The following THSD4 variants were observed in gnomAD, a reference collection of about 807,000 sequenced individuals.
THSD4 encodes the protein thrombospondin type-1 domain-containing protein 4.
A neutral mutation model predicts 119.0 loss-of-function variants in THSD4; 69 were observed. The observed-to-expected ratio is 0.58, with a 90% CI of 0.48 to 0.71. The LOEUF (loss-of-function observed/expected upper bound fraction) is 0.71, where lower values mean the gene tolerates loss of function less well. THSD4 is among the 30% of genes least tolerant of loss of function. The pLI is 0.00. For missense variants in THSD4, 1,393 were observed against 1,391.1 expected, an observed-to-expected ratio of 1.00 and a Z score of -0.02; for synonymous variants, 524 against 540.4, an observed-to-expected ratio of 0.97 and a Z score of 0.42.
chr15:71,638,521 C>A (rs909717654), intron 7 of THSD4, among the ~76,000 whole-genome samples: 4 of 152,182 alleles, frequency 2.6e-5, no homozygotes, highest in African/African-American at 9.6e-5. Flanking sequence ...TGTCTATGAA[C>A]AGTATGTCTT....
chr15:71,547,262 G>A (rs369482328), intron 7 of THSD4: 24 of 1,442,102 alleles, frequency 1.7e-5, no homozygotes, highest in African/African-American at 7.2e-5. Flanking sequence ...TCGAAGCGCC[G>A]GGCAGTACAG....
intron 7 of THSD4, among the ~76,000 whole-genome samples, chr15:71,555,085 G>T (rs1232624933): frequency 2.6e-5 from 4 of 152,118 alleles, no homozygotes; most frequent in African/African-American, 9.7e-5. Context: ...TGTGTCTAAA[G>T]AATATGCTAT....
At chr15:71,264,630 C>G (rs564836281) in intron 6 of THSD4, among the ~76,000 whole-genome samples, 13 of 152,276 alleles carry the variant, frequency 8.5e-5, no homozygotes, top group Admixed American at 3.9e-4. Context: ...TTGCAGTCAT[C>G]AACCTTGGTG....
Position 71,777,621 on chromosome 15 carries a change from A to G in THSD4, c.*247A>G. The stretch of plus-strand genomic sequence containing the variant: ...TGATGATCCCCTCCTTGGACCTGGC[A>G]TCTGCTAATGGTGCCCTTTGAAAGT... On this transcript the variant is annotated 3_prime_UTR_variant, in exon 18 of 18. Coordinates refer to ENST00000261862, the MANE Select transcript of THSD4 (RefSeq NM_024817.3). 1 of 532,910 alleles carries G rather than the reference A, an allele frequency of 1.9e-6. No homozygotes were observed. Among genetic ancestry groups the G allele is most frequent in the Non-Finnish European group, 3.4e-6 (1 of 296,814 alleles). The allele number at this position is 532,910 out of a possible 1,614,324, so 33.0% of individuals were successfully genotyped here.
rs2045812407 is a variant in THSD4, at chr15:71,356,459, C to G, written c.1016-55228C>G. 2.0e-5 allele frequency among the ~76,000 whole-genome samples: 3 copies of G among 152,106 alleles called. No individual in the cohort carries two copies. In the South Asian group the frequency reaches 6.2e-4, roughly 32 times the overall value. ...AATGGAAGCTCTTTGAGGACTGGGA[C>G]CTACTGACTTCTTTCTCTGCTGTAT... On this transcript the variant is annotated intron_variant, in intron 6 of 17. Transcript: ENST00000261862.
chr15:71,390,656 T>TACC (rs1407107277), intron 6 of THSD4, among the ~76,000 whole-genome samples: 1 of 152,110 alleles, frequency 6.6e-6, no homozygotes, highest in Non-Finnish European at 1.5e-5. Context: ...AGGAGTAGTT[T>TACC]ACCATATTGA....
rs1297775988 is a variant in THSD4 at position 71,717,655 on chromosome 15, G to C, written c.1358-10894G>C. Among the ~76,000 whole-genome samples, 3 of 151,488 alleles carry C rather than the reference G, an allele frequency of 2.0e-5. No individual in the cohort carries two copies. In the South Asian group the frequency reaches 6.3e-4, roughly 32 times the overall value. ...ATTAAACATCAAAGAACAGGGCATA[G>C]ACACTAAGATTAGGGATGAGAGTTA... On this transcript the variant is annotated intron_variant, in intron 8 of 17. Transcript: ENST00000261862.
At chr15:71,433,740 C>T (rs563300543) in intron 7 of THSD4, among the ~76,000 whole-genome samples, 103 of 152,176 alleles carry the variant, frequency 6.8e-4, no homozygotes, top group Middle Eastern at 3.4e-3. Context: ...CCAACATGGC[C>T]AGGAGACAGA....
intron 8 of THSD4, among the ~76,000 whole-genome samples, chr15:71,664,312 T>G (rs1316688550): frequency 2.0e-5 from 3 of 152,172 alleles, no homozygotes; most frequent in Non-Finnish European, 4.4e-5. Context: ...AACTTTATTT[T>G]TTTTTAGTTT....
At chr15:71,618,079 T>C (rs2050351138) in intron 7 of THSD4, among the ~76,000 whole-genome samples, 1 of 152,198 alleles carries the variant, frequency 6.6e-6, no homozygotes, top group Admixed American at 6.5e-5. Flanking sequence ...CTTTCAGTCA[T>C]GGAAAGATCT....
intron 6 of THSD4, among the ~76,000 whole-genome samples, chr15:71,337,209 G>C (rs1316395536): frequency 6.6e-6 from 1 of 152,240 alleles, no homozygotes; most frequent in African/African-American, 2.4e-5. Context: ...CCCAAGAACT[G>C]TAAGGGGTGG....
chr15:71,278,568 T>C (rs984534732), intron 6 of THSD4, among the ~76,000 whole-genome samples: 2 of 152,194 alleles, frequency 1.3e-5, no homozygotes, highest in African/African-American at 4.8e-5. Context: ...GGAAACAAAG[T>C]TCTACATTGT....
chr15:71,230,010 A>G (rs2044047615), intron 4 of THSD4, among the ~76,000 whole-genome samples: 1 of 152,216 alleles, frequency 6.6e-6, no homozygotes, highest in South Asian at 2.1e-4. Context: ...TAGTTGTGTT[A>G]TAATCATTAT....
chr15:71,499,698 C>T (rs746573537), intron 7 of THSD4, among the ~76,000 whole-genome samples: 2 of 152,124 alleles, frequency 1.3e-5, no homozygotes, highest in Non-Finnish European at 1.5e-5. Context: ...TTCTACTCTC[C>T]GTTTCTAACA....
intron 15 of THSD4, among the ~76,000 whole-genome samples, chr15:71,763,940 C>T (rs2053669830): frequency 6.6e-6 from 1 of 152,008 alleles, no homozygotes. Flanking sequence ...GTGACATATG[C>T]CTGTAATTCC....
intron 7 of THSD4, among the ~76,000 whole-genome samples, chr15:71,469,915 G>A (rs1347715184): frequency 6.6e-6 from 1 of 152,040 alleles, no homozygotes; most frequent in Non-Finnish European, 1.5e-5. Flanking sequence ...ATAATAGAGA[G>A]GAATTCATAC....
At chr15:71,193,270 A>T (rs1443061556) in intron 3 of THSD4, among the ~76,000 whole-genome samples, 1 of 152,180 alleles carries the variant, frequency 6.6e-6, no homozygotes, top group East Asian at 1.9e-4. Context: ...CTTCTCACTG[A>T]CTGGCACAGC....
At chr15:71,674,599 G>GGAC (rs1464823364) in intron 8 of THSD4, among the ~76,000 whole-genome samples, 2 of 152,078 alleles carry the variant, frequency 1.3e-5, no homozygotes, top group Non-Finnish European at 2.9e-5. Context: ...CTGACAGCCT[G>GGAC]GACTTCAGGA....
intron 6 of THSD4, among the ~76,000 whole-genome samples, chr15:71,303,610 C>G (rs1341735581): frequency 6.6e-6 from 1 of 152,148 alleles, no homozygotes; most frequent in Non-Finnish European, 1.5e-5. Context: ...AGAATCTTCT[C>G]TTTCCAGTTT....
Sources: gnomAD v4.1 joint callset for allele counts (sites outside exome capture counted in the v4.1 genomes callset) on GRCh38, gnomAD v4.1.1 for gene constraint, MANE v1.5 for transcripts, NCBI Gene and HGNC (gene_info 2026-07-23, HGNC 2026-07-21) for gene names.